Variants in SNX24 observed in about 807,000 individuals in gnomAD.
The protein encoded by SNX24 is sorting nexin-24.
SNX24 carries 22 observed loss-of-function variants against 28.7 expected under a neutral mutation model. The ratio of observed to expected loss-of-function variants is 0.77; its 90% CI spans 0.55 to 1.10. SNX24 has a LOEUF of 1.10. Ranked by LOEUF, SNX24 falls within the 50% of genes least tolerant of loss-of-function variation. The pLI is 0.00. For synonymous variants in SNX24, 69 were observed against 71.5 expected, an observed-to-expected ratio of 0.96 and a Z score of 0.18; for missense variants, 221 against 201.1, an observed-to-expected ratio of 1.10 and a Z score of -0.60.
At chr5:122,861,077 C>T (rs889587356) in intron 1 of SNX24, among the ~76,000 whole-genome samples, 9 of 151,894 alleles carry the variant, frequency 5.9e-5, no homozygotes, top group East Asian at 1.9e-4. Flanking sequence ...CAGTGGCTGA[C>T]GCCTATAATC....
chr5:123,027,198 G>GA (rs1391591555), intron 5 of SNX24, among the ~76,000 whole-genome samples: 7 of 150,370 alleles, frequency 4.7e-5, no homozygotes, highest in East Asian at 1.9e-4. Context: ...TGTCTCAAAA[G>GA]AAAAAAAAAG....
chr5:122,909,807 G>T (rs1475114403), intron 1 of SNX24, among the ~76,000 whole-genome samples: 1 of 152,218 alleles, frequency 6.6e-6, no homozygotes. Context: ...CTCAGAGTCT[G>T]ATGCAGGGAA....
At chr5:123,027,116 C>G (rs1762870900) in intron 5 of SNX24, among the ~76,000 whole-genome samples, 1 of 152,036 alleles carries the variant, frequency 6.6e-6, no homozygotes, top group Non-Finnish European at 1.5e-5. Context: ...ATCGCTTGAA[C>G]CTGGGAGGCA....
chr5:122,949,183 T>C (rs992880744), intron 3 of SNX24, among the ~76,000 whole-genome samples: 5 of 152,284 alleles, frequency 3.3e-5, no homozygotes, highest in African/African-American at 1.2e-4. Context: ...TTTATTCCTT[T>C]GCTGGTCACC....
rs1421234337 is a variant in SNX24 at position 122,884,271 on chromosome 5, T to TTC, written c.60+38578_60+38579insTC. 8.7e-5 allele frequency among the ~76,000 whole-genome samples: 13 copies of TTC among 148,784 alleles called. No homozygotes were observed. In the East Asian group the frequency reaches 2.6e-3, roughly 29 times the overall value. ...TTTTTCTTTTTTTTTTTTTTTTTTT[T>TTC]CAGACAGAGTCTCGCTGTTGCCTAG... On this transcript the variant is annotated intron_variant, in intron 1 of 6. Transcript: ENST00000261369.
chr5:122,869,005 T>G (rs1291642152), intron 1 of SNX24, among the ~76,000 whole-genome samples: 2 of 152,274 alleles, frequency 1.3e-5, no homozygotes, highest in Admixed American at 1.3e-4. Context: ...TTTTTACATT[T>G]TATTATCTGA....
At chr5:122,930,686 G>A (rs547680022) in intron 1 of SNX24, among the ~76,000 whole-genome samples, 162 of 152,132 alleles carry the variant, frequency 1.1e-3, no homozygotes, top group African/African-American at 3.7e-3. Context: ...TCTTTCATCA[G>A]GGATTCTTCT....
intron 1 of SNX24, among the ~76,000 whole-genome samples, chr5:122,915,090 C>G (rs1014888326): frequency 4.6e-5 from 7 of 152,264 alleles, no homozygotes; most frequent in African/African-American, 1.7e-4. Flanking sequence ...TTGCATTATA[C>G]TTAGTGGCTG....
At chr5:122,946,626 G>A (rs1477270515) in intron 3 of SNX24, among the ~76,000 whole-genome samples, 2 of 152,156 alleles carry the variant, frequency 1.3e-5, no homozygotes, top group Admixed American at 1.3e-4. Context: ...CGATGATGAA[G>A]TGCCAACCTC....
intron 3 of SNX24, among the ~76,000 whole-genome samples, chr5:122,971,228 A>G (rs1760944704): frequency 6.6e-6 from 1 of 152,208 alleles, no homozygotes; most frequent in African/African-American, 2.4e-5. Context: ...CATGGGAGAA[A>G]GATGAAGACT....
rs538319384 is a variant in SNX24, at chr5:122,893,892, A to G, written c.61-42842A>G. 1.4e-4 allele frequency among the ~76,000 whole-genome samples: 21 copies of G among 152,310 alleles called. No homozygotes were observed. In the South Asian group the frequency reaches 4.1e-3, roughly 30 times the overall value. The stretch of plus-strand genomic sequence containing the variant: ...AACCCTGTCTCTACTAAAAAATACA[A>G]AAAAGTTAGCTGGGCTTGGTGATGG... On this transcript the variant is annotated intron_variant, in intron 1 of 6. Transcript: ENST00000261369.
chr5:123,024,021 G>C, intron 5 of SNX24: 1 of 1,609,648 alleles, frequency 6.2e-7, no homozygotes, highest in Non-Finnish European at 8.5e-7. Context: ...GAGAAAAGTA[G>C]ACACATGGTT....
At chr5:122,845,830 G>T (rs1220111703) in intron 1 of SNX24, 137 bp downstream of exon 1, 1 of 449,606 alleles carries the variant, frequency 2.2e-6, no homozygotes, top group Non-Finnish European at 3.6e-6. Flanking sequence ...CCCAGAGGAA[G>T]GGCTGCGCCC....
intron 1 of SNX24, among the ~76,000 whole-genome samples, chr5:122,863,576 A>G (rs1052117687): frequency 6.6e-6 from 1 of 150,920 alleles, no homozygotes; most frequent in Non-Finnish European, 1.5e-5. Context: ...TTTGTGGCCC[A>G]AGCTGGAGTG....
At chr5:122,955,359 A>G (rs1760157880) in intron 3 of SNX24, among the ~76,000 whole-genome samples, 1 of 152,192 alleles carries the variant, frequency 6.6e-6, no homozygotes, top group South Asian at 2.1e-4. Flanking sequence ...ATTGTCCAAT[A>G]ATCTTTACAT....
chr5:122,884,828 G>A (rs910147091), intron 1 of SNX24, among the ~76,000 whole-genome samples: 3 of 152,142 alleles, frequency 2.0e-5, no homozygotes, highest in Non-Finnish European at 2.9e-5. Context: ...TGTTCTAGCA[G>A]AAGGTATGTA....
Position 122,876,574 on chromosome 5 carries a change from T to C in SNX24, c.60+30881T>C, listed in dbSNP as rs187490698. Among the ~76,000 whole-genome samples the C allele has an allele frequency of 6.3e-4, 96 of 152,348 alleles. No individual in the cohort carries two copies. In the East Asian group the frequency reaches 9.1e-3, roughly 14 times the overall value. ...AATTAATATAACCCAGTAAGTGAAGTGTTTTGAGTGTCTGCTTTGTGCTTA... is the reference window on the plus strand; with the variant it reads ...AATTAATATAACCCAGTAAGTGAAGCGTTTTGAGTGTCTGCTTTGTGCTTA... On this transcript the variant is annotated intron_variant, in intron 1 of 6. Coordinates refer to ENST00000261369, the MANE Select transcript of SNX24 (RefSeq NM_014035.4).
intron 3 of SNX24, among the ~76,000 whole-genome samples, chr5:122,956,391 C>T (rs1433982992): frequency 1.3e-5 from 2 of 150,460 alleles, no homozygotes; most frequent in African/African-American, 2.5e-5. Context: ...CACACACACA[C>T]ACACACACAC....
chr5:122,893,084 C>T (rs1253610351), intron 1 of SNX24, among the ~76,000 whole-genome samples: 1 of 151,952 alleles, frequency 6.6e-6, no homozygotes, highest in African/African-American at 2.4e-5. Flanking sequence ...TCTAAATTTA[C>T]TAGCTGGCAT....
Sources: allele counts gnomAD v4.1 joint callset (sites outside exome capture counted in the v4.1 genomes callset), GRCh38; gene constraint gnomAD v4.1.1; transcripts MANE v1.5; gene names NCBI Gene and HGNC (gene_info 2026-07-23, HGNC 2026-07-21).